The following DDX42 variants were observed in gnomAD, a reference collection of about 807,000 sequenced individuals.
DDX42 encodes the protein ATP-dependent RNA helicase DDX42.
DDX42 carries 22 observed loss-of-function variants against 101.5 expected under a neutral mutation model. The observed-to-expected ratio is 0.22, with a 90% confidence interval of 0.15 to 0.31. DDX42 has a LOEUF of 0.31. Ranked by LOEUF, DDX42 falls within the 10% of genes least tolerant of loss-of-function variation. The pLI, the probability that DDX42 is intolerant of heterozygous loss-of-function variation, is 1.00. For missense variants in DDX42, 849 were observed against 1,199.9 expected, an observed-to-expected ratio of 0.71 and a Z score of 4.32; for synonymous variants, 402 against 401.2, an observed-to-expected ratio of 1.00 and a Z score of -0.02.
chr17:63,774,041 G>A (rs1369695779), upstream of DDX42: 1 of 218,514 alleles, frequency 4.6e-6, no homozygotes, highest in Admixed American at 5.8e-5. Context: ...CCCAACTGCA[G>A]TTTCCCGTCA....
At chr17:63,805,049 C>T (rs750732492) in intron 6 of DDX42, 22 bp from the exon 7 acceptor site, 8 of 1,587,656 alleles carry the variant, frequency 5.0e-6, no homozygotes, top group Non-Finnish European at 6.0e-6. Flanking sequence ...TCTAGACTAA[C>T]TTTGAATAAT....
At chr17:63,782,755 T>G (rs1480381584) in intron 1 of DDX42, among the ~76,000 whole-genome samples, 2 of 152,222 alleles carry the variant, frequency 1.3e-5, no homozygotes, top group Non-Finnish European at 1.5e-5. Flanking sequence ...TTTCCTTGCC[T>G]CTACCATGAG....
intron 14 of DDX42, 151 bp from the exon 15 acceptor site, chr17:63,813,077 G>T: frequency 1.6e-6 from 1 of 642,908 alleles, no homozygotes. Context: ...AATCTGTGGT[G>T]GTGACTTAAC....
chr17:63,797,646 T>G (rs1041294653), intron 3 of DDX42, among the ~76,000 whole-genome samples: 6 of 152,202 alleles, frequency 3.9e-5, no homozygotes, highest in Non-Finnish European at 8.8e-5. Context: ...TGTCCCAGAT[T>G]GAGAGCAACC....
At chr17:63,781,749 G>A (rs1598321797) in intron 1 of DDX42, among the ~76,000 whole-genome samples, 1 of 151,840 alleles carries the variant, frequency 6.6e-6, no homozygotes, top group African/African-American at 2.4e-5. Flanking sequence ...GGTGGCTCAC[G>A]CCTGTAATCC....
chr17:63,806,529 C>A lies in DDX42; in HGVS notation c.727-6C>A. ...AGTCATTCTGGGGAGTTGTCTCTAT[C>A]TCTAGGTCTCTGGTGCTGCACCTCC... is the stretch of plus-strand genomic sequence containing the variant. On this transcript the variant is annotated splice_polypyrimidine_tract_variant and splice_region_variant and intron_variant, in intron 7 of 17. Coordinates refer to ENST00000389924, the MANE Select transcript of DDX42 (RefSeq NM_203499.3). 6.2e-7 allele frequency: 1 copy of A among 1,609,810 alleles called. No individual in the cohort carries two copies. The highest frequency in any genetic ancestry group is 8.5e-7 in the Non-Finnish European group (1 of 1,178,348).
intron 3 of DDX42, among the ~76,000 whole-genome samples, chr17:63,794,830 GGAGGCT>G (rs1435755061): frequency 1.3e-5 from 2 of 151,684 alleles, no homozygotes; most frequent in African/African-American, 2.4e-5. Flanking sequence ...CTGCTACTCG[GGAGGCT>G]GAGGCAGGAG....
intron 3 of DDX42, among the ~76,000 whole-genome samples, chr17:63,795,072 T>C (rs567235487): frequency 4.3e-4 from 65 of 152,234 alleles, no homozygotes; most frequent in Middle Eastern, 3.4e-3. Flanking sequence ...CCAAGATTAA[T>C]GTGTTTTTGT....
intron 1 of DDX42, among the ~76,000 whole-genome samples, chr17:63,778,997 A>G (rs1000304089): frequency 2.0e-5 from 3 of 152,192 alleles, no homozygotes; most frequent in African/African-American, 7.2e-5. Flanking sequence ...TACTGGGCAC[A>G]TAACAAAATC....
chr17:63,809,010 T>C (rs1166392196), intron 10 of DDX42, 62 bp downstream of exon 10: 7 of 1,585,904 alleles, frequency 4.4e-6, no homozygotes, highest in African/African-American at 1.4e-5. Flanking sequence ...ACATGATTAG[T>C]TTTGCAGAGA....
chr17:63,798,191 T>C (rs952393446), intron 4 of DDX42, 92 bp downstream of exon 4: 4 of 1,175,280 alleles, frequency 3.4e-6, no homozygotes, highest in Non-Finnish European at 5.0e-6. Context: ...AGAAAAAATA[T>C]TGACGTACAC....
At position 63,809,029 on chromosome 17, in the gene DDX42, T is replaced by A. The variant is rs555998264; in HGVS notation, c.1152+81T>A. The A allele has an allele frequency of 9.7e-5, 151 of 1,551,940 alleles. 7 individuals carry two copies. In the South Asian group the frequency reaches 1.5e-3, roughly 16 times the overall value. ...GATTAGTTTTGCAGAGAATTTCCCC[T>A]AAAGTGTGGTAAAAGCAGGGTTGAA... On this transcript the variant is annotated intron_variant, in intron 10 of 17. Transcript: ENST00000389924.
intron 6 of DDX42, among the ~76,000 whole-genome samples, chr17:63,804,290 A>C (rs1379037753): frequency 6.6e-6 from 1 of 152,118 alleles, no homozygotes; most frequent in East Asian, 1.9e-4. Context: ...GAAAAAAAAA[A>C]TAGTTTATAA....
intron 6 of DDX42, among the ~76,000 whole-genome samples, chr17:63,804,369 G>T (rs2039812456): frequency 6.6e-6 from 1 of 152,126 alleles, no homozygotes; most frequent in African/African-American, 2.4e-5. Context: ...ACTAAGCTAT[G>T]AAAAGAATAA....
chr17:63,778,543 G>A lies in DDX42; in HGVS notation c.-17+4167G>A, dbSNP rs1338922353. Among the ~76,000 whole-genome samples, 12 of 152,178 alleles carry A rather than the reference G, an allele frequency of 7.9e-5. No individual in the cohort carries two copies. In the East Asian group the frequency reaches 2.3e-3, roughly 29 times the overall value. ...TATGGCTGCATCTGATTCCATTACTGTATCCTTAGCACCTTAGAGCAGTTA... is the reference window on the plus strand; with the variant it reads ...TATGGCTGCATCTGATTCCATTACTATATCCTTAGCACCTTAGAGCAGTTA... On this transcript the variant is annotated intron_variant, in intron 1 of 17. Transcript: ENST00000389924.
At chr17:63,782,233 A>G (rs770068431) in intron 1 of DDX42, among the ~76,000 whole-genome samples, 40 of 152,104 alleles carry the variant, frequency 2.6e-4, no homozygotes, top group Admixed American at 2.0e-4. Context: ...AGCCAAGATC[A>G]TGCCATTGCC....
At chr17:63,806,455 AT>A in intron 7 of DDX42, 79 bp from the exon 8 acceptor site, 2 of 1,443,934 alleles carry the variant, frequency 1.4e-6, no homozygotes, top group Non-Finnish European at 1.9e-6. Context: ...AAAATGCTAG[AT>A]CCAGGTAAGT....
At chr17:63,805,360 G>A (rs2039826176) in intron 7 of DDX42, 185 bp downstream of exon 7, 1 of 677,680 alleles carries the variant, frequency 1.5e-6, no homozygotes, top group Non-Finnish European at 2.3e-6. Flanking sequence ...TCTTCTAGAT[G>A]CTGTTTTAGG....
intron 6 of DDX42, among the ~76,000 whole-genome samples, chr17:63,801,026 TCTC>T (rs1349022143): frequency 6.6e-6 from 1 of 151,178 alleles, no homozygotes; most frequent in Non-Finnish European, 1.5e-5. Flanking sequence ...CTTTCTTTCT[TCTC>T]TTCTCTTTCT....
Sources: gnomAD v4.1 joint callset for allele counts (sites outside exome capture counted in the v4.1 genomes callset) on GRCh38, gnomAD v4.1.1 for gene constraint, MANE v1.5 for transcripts, NCBI Gene and HGNC (gene_info 2026-07-23, HGNC 2026-07-21) for gene names.